Variants in VPS13C observed in about 807,000 individuals in gnomAD.
VPS13C encodes the protein intermembrane lipid transfer protein VPS13C.
In VPS13C, 358 loss-of-function variants were observed where a neutral mutation model predicts 456.8. That is an observed-to-expected ratio of 0.78 (90% CI 0.72 to 0.86). VPS13C has a LOEUF of 0.86. Ranked by LOEUF, VPS13C falls within the 40% of genes least tolerant of loss-of-function variation. The pLI is 0.00. For missense variants in VPS13C, 4,818 were observed against 4,385.4 expected (o/e 1.10, Z -2.79); for synonymous variants, 1,578 against 1,486.7 (o/e 1.06, Z -1.41).
At chr15:61,892,515 T>C (rs56115944) in intron 66 of VPS13C, among the ~76,000 whole-genome samples, 10 of 152,230 alleles carry the variant, frequency 6.6e-5, no homozygotes, top group African/African-American at 2.4e-4. Context: ...AGCAAACATA[T>C]TCTAGAAAGA....
In VPS13C at chr15:61,852,411, G is replaced by A. The variant is rs527558856; in HGVS notation, c.*2046C>T. 6.6e-6 allele frequency: 1 copy of A among 152,252 alleles called. No homozygotes were observed. The highest frequency in any genetic ancestry group is 1.5e-5 in the Non-Finnish European group (1 of 68,014). The allele number at this position is 152,252 out of a possible 1,614,324, so 9.4% of individuals were successfully genotyped here. On this transcript the variant is annotated 3_prime_UTR_variant, in exon 85 of 85. Coordinates refer to ENST00000644861, the MANE Select transcript of VPS13C (RefSeq NM_020821.3). ...AAGTTTTCACACCTGTAAACAATGT[G>A]CCAAATGTTTTATTTCTCTCATATG...
chr15:62,034,876 A>T (rs916212951), intron 4 of VPS13C, 81 bp downstream of exon 4: 1 of 909,036 alleles, frequency 1.1e-6, no homozygotes. Context: ...TTAATAAATA[A>T]ATGTATTAAA....
At chr15:61,939,326 G>A (rs1276257166) in intron 47 of VPS13C, among the ~76,000 whole-genome samples, 1 of 152,122 alleles carries the variant, frequency 6.6e-6, no homozygotes, top group Non-Finnish European at 1.5e-5. Context: ...CCCTATGAAT[G>A]CCCAAACAAA....
chr15:61,998,861 A>G (rs998485426), intron 16 of VPS13C, among the ~76,000 whole-genome samples: 1 of 152,168 alleles, frequency 6.6e-6, no homozygotes, highest in Admixed American at 6.5e-5. Context: ...AGCTTACTCA[A>G]TGTGAAGACC....
At chr15:61,945,951 T>A in intron 44 of VPS13C, 69 bp from the exon 45 acceptor site, 4 of 1,273,990 alleles carry the variant, frequency 3.1e-6, no homozygotes, top group Non-Finnish European at 4.2e-6. Flanking sequence ...GTATTATAAA[T>A]AAGTTCTCGT....
At chr15:61,854,648 C>G (rs983103017) in intron 84 of VPS13C, 90 bp from the exon 85 acceptor site, 5 of 1,362,966 alleles carry the variant, frequency 3.7e-6, no homozygotes, top group Non-Finnish European at 5.2e-6. Flanking sequence ...GGCTGAAGCT[C>G]TCCAAACAGG....
intron 24 of VPS13C, among the ~76,000 whole-genome samples, chr15:61,976,173 G>A (rs945657077): frequency 2.0e-5 from 3 of 151,926 alleles, no homozygotes; most frequent in Non-Finnish European, 4.4e-5. Context: ...TTGGTCTTTG[G>A]ATTAGGGATG....
chr15:61,954,075 C>A (rs540616122), intron 38 of VPS13C, among the ~76,000 whole-genome samples: 3 of 152,156 alleles, frequency 2.0e-5, no homozygotes, highest in African/African-American at 7.2e-5. Flanking sequence ...AAAATGCAGG[C>A]ATATTGTGTT....
Position 61,858,601 on chromosome 15 carries a change from C to T in VPS13C, c.10953-2192G>A, listed in dbSNP as rs1003028837. On this transcript the variant is annotated intron_variant, in intron 82 of 84. Coordinates refer to ENST00000644861, the MANE Select transcript of VPS13C (RefSeq NM_020821.3). The surrounding 1 kb of genome is among the most constrained non-coding windows in gnomAD (Gnocchi z 4.4). ...ACTTTGAATATAATGGATTTTACTT[C>T]CAAGATTAGGTTATTATAAGGCACA... Among the ~76,000 whole-genome samples the T allele has an allele frequency of 3.9e-5, 6 of 152,102 alleles. No individual in the cohort carries two copies. The highest frequency in any genetic ancestry group is 7.4e-5 in the Non-Finnish European group (5 of 68,020).
At chr15:62,051,437 C>G (rs1001120110) in intron 1 of VPS13C, among the ~76,000 whole-genome samples, 2 of 152,216 alleles carry the variant, frequency 1.3e-5, no homozygotes, top group African/African-American at 2.4e-5. Context: ...GGTTAAATGA[C>G]TAGCCCAAGA....
In VPS13C at chr15:61,941,821, A is replaced by G. The variant is rs372279884; in HGVS notation, c.5395T>C (p.Ser1799Pro). 6.2e-7 allele frequency: 1 copy of G among 1,613,690 alleles called. No homozygotes were observed. The highest frequency in any genetic ancestry group is 8.5e-7 in the Non-Finnish European group (1 of 1,179,768). The change falls in exon 46 of 85, where the codon TCT (serine) becomes CCT (proline). Residue 1799 changes from serine to proline, a missense_variant. Coordinates refer to ENST00000644861, the MANE Select transcript of VPS13C (RefSeq NM_020821.3). ...KFSLVPMEHY[S>P]LPPVIDKMNI... ...ATTTTATCAATGACTGGAGGAAGAGAATAATGTTCCATAGGAACCAAGCTA... is the reference window on the plus strand; with the variant it reads ...ATTTTATCAATGACTGGAGGAAGAGGATAATGTTCCATAGGAACCAAGCTA...
intron 67 of VPS13C, among the ~76,000 whole-genome samples, chr15:61,886,482 T>C (rs1896280633): frequency 6.6e-6 from 1 of 152,092 alleles, no homozygotes; most frequent in South Asian, 2.1e-4. Flanking sequence ...ATATGACGGA[T>C]ATATATCAGT....
At position 61,929,534 on chromosome 15, in the gene VPS13C, G is replaced by A; in HGVS notation, c.6253C>T (p.Gln2085Ter). ...VAKETQILPR[Q>*]TATGKVKIEK... Reference sequence around the variant, plus strand: ...ATCTTGACCTTCCCTGTGGCAGTCTGTCTTGGTAAAATCTGTGTTTCTTTT... The same window carrying A: ...ATCTTGACCTTCCCTGTGGCAGTCTATCTTGGTAAAATCTGTGTTTCTTTT... Residue 2085 changes from glutamine to a stop codon, truncating the protein, a stop_gained, in exon 51 of 85, where the codon CAG becomes TAG. Transcript: ENST00000644861. LOFTEE classifies it high-confidence loss of function. 1 of 1,614,012 alleles carries A rather than the reference G, an allele frequency of 6.2e-7. No homozygotes were observed.
At chr15:61,881,889 GATA>G in intron 69 of VPS13C, 61 bp from the exon 70 acceptor site, 2 of 1,447,666 alleles carry the variant, frequency 1.4e-6, no homozygotes, top group Non-Finnish European at 1.9e-6. Context: ...TAGTTTCAAA[GATA>G]ATGTTATAGA....
intron 16 of VPS13C, among the ~76,000 whole-genome samples, chr15:61,997,523 A>G (rs1269880727): frequency 6.6e-6 from 1 of 152,160 alleles, no homozygotes; most frequent in Non-Finnish European, 1.5e-5. Flanking sequence ...AGAGATAGCT[A>G]AAACTTAATA....
chr15:61,927,038 C>G lies in VPS13C; in HGVS notation c.6516+53G>C, dbSNP rs2043872828. The G allele has an allele frequency of 2.3e-5, 34 of 1,485,708 alleles. No homozygotes were observed. The South Asian group carries it at 3.7e-4, about 16-fold the overall frequency. 92.0% of individuals were successfully genotyped at this position (1,485,708 alleles called of 1,614,324 possible). A position where few individuals can be genotyped will look rare whatever the true frequency, so the allele number is the denominator to read the frequency against. ...TCTCATATTCTAGGATTCTATGAAT[C>G]AACTGTTTCTGCCATTCTTCAACCC... On this transcript the variant is annotated intron_variant, in intron 52 of 84. Coordinates refer to ENST00000644861, the MANE Select transcript of VPS13C (RefSeq NM_020821.3).
At chr15:62,018,382 C>T (rs1326293823) in intron 9 of VPS13C, among the ~76,000 whole-genome samples, 1 of 151,774 alleles carries the variant, frequency 6.6e-6, no homozygotes, top group East Asian at 1.9e-4. Flanking sequence ...AAAGGGAATG[C>T]TTCCAGTTTT....
At chr15:61,954,359 G>C in intron 38 of VPS13C, 62 bp downstream of exon 38, 1 of 1,534,124 alleles carries the variant, frequency 6.5e-7, no homozygotes, top group Non-Finnish European at 8.8e-7. Flanking sequence ...GTTTAGTAGA[G>C]GTAATTCCAA....
chr15:61,948,447 C>T (rs1460410682), intron 42 of VPS13C, among the ~76,000 whole-genome samples: 2 of 151,896 alleles, frequency 1.3e-5, no homozygotes, highest in Non-Finnish European at 2.9e-5. Context: ...TTTGGGAGAC[C>T]GAGGCAGGTG....
Sources: gnomAD v4.1 joint callset for allele counts (sites outside exome capture counted in the v4.1 genomes callset) on GRCh38, gnomAD v4.1.1 for gene constraint, Gnocchi (gnomAD v3.1) non-coding constraint, MANE v1.5 for transcripts, NCBI Gene and HGNC (gene_info 2026-07-23, HGNC 2026-07-21) for gene names.